Variants in TXNDC8 observed in about 807,000 individuals in gnomAD.
The protein encoded by TXNDC8 is thioredoxin domain containing 8.
In TXNDC8, 15 loss-of-function variants were observed where a neutral mutation model predicts 12.9. The ratio of observed to expected loss-of-function variants is 1.16; its 90% CI spans 0.78 to 1.79. TXNDC8 has a LOEUF of 1.79. Ranked by LOEUF, TXNDC8 falls within the 40% of genes most tolerant of loss-of-function variation. TXNDC8 has a pLI of 0.00. For synonymous variants in TXNDC8, 40 were observed against 35.4 expected (o/e 1.13, Z -0.46); for missense variants, 128 against 113.2 (o/e 1.13, Z -0.59).
chr9:110,309,843 C>A (rs1309939150), intron 3 of TXNDC8, among the ~76,000 whole-genome samples: 1 of 151,440 alleles, frequency 6.6e-6, no homozygotes, highest in East Asian at 1.9e-4. Flanking sequence ...GGCTCAGTTC[C>A]TTTTATTAAG....
In TXNDC8 at chr9:110,327,391, G is replaced by A. The variant is rs150095542; in HGVS notation, c.130-1151C>T. On this transcript the variant is annotated intron_variant, in intron 2 of 4. Transcript: ENST00000423740. Reference sequence around the variant, plus strand: ...TGGCTGGAGTGCAATGGTGCGATCTGGGCTCACTGCAACCTCTGCCTCCCA... The same window carrying A: ...TGGCTGGAGTGCAATGGTGCGATCTAGGCTCACTGCAACCTCTGCCTCCCA... Among the ~76,000 whole-genome samples the A allele has an allele frequency of 2.1e-3, 317 of 150,998 alleles. 2 individuals are homozygous for A. Among genetic ancestry groups the A allele is most frequent in the African/African-American group, 7.3e-3 (300 of 41,180 alleles).
chr9:110,336,485 G>A (rs1445743552), intron 1 of TXNDC8, among the ~76,000 whole-genome samples: 1 of 152,204 alleles, frequency 6.6e-6, no homozygotes, highest in Non-Finnish European at 1.5e-5. Context: ...GTTTGGGTGT[G>A]AGCTGGCCTA....
chr9:110,318,232 AG>A (rs1361186041), intron 3 of TXNDC8, among the ~76,000 whole-genome samples: 36 of 152,332 alleles, frequency 2.4e-4, no homozygotes, highest in African/African-American at 8.4e-4. Context: ...AGACCTCAGA[AG>A]TCTCTGCTGG....
Position 110,307,020 on chromosome 9 carries a change from C to T in TXNDC8, c.196-2488G>A, listed in dbSNP as rs549690835. Among the ~76,000 whole-genome samples the T allele has an allele frequency of 5.2e-4, 79 of 151,912 alleles. 1 individual carries two copies. Among genetic ancestry groups the T allele is most frequent in the Non-Finnish European group, 9.1e-4 (62 of 68,018 alleles). ...GCAGTGATGCGATCATAGTTCACTG[C>T]AGTCTTGAACCCCAGGGCTCAAGTG... On this transcript the variant is annotated intron_variant, in intron 3 of 4. Coordinates refer to ENST00000423740, the MANE Select transcript of TXNDC8 (RefSeq NM_001286946.2).
chr9:110,304,575 G>T (rs1181774783), intron 3 of TXNDC8, 43 bp from the exon 5 acceptor site: 3 of 1,565,946 alleles, frequency 1.9e-6, no homozygotes, highest in Non-Finnish European at 1.7e-6. Flanking sequence ...TGAGTTGCCT[G>T]GTTTGTAACC....
chr9:110,305,544 CT>C (rs142892470), intron 3 of TXNDC8, among the ~76,000 whole-genome samples: 26 of 138,678 alleles, frequency 1.9e-4, no homozygotes, highest in Non-Finnish European at 3.8e-4. Context: ...CATGTATTTT[CT>C]TTTTCTTTCT....
chr9:110,313,649 C>T (rs1039105534), intron 3 of TXNDC8, among the ~76,000 whole-genome samples: 3 of 151,866 alleles, frequency 2.0e-5, no homozygotes, highest in East Asian at 3.9e-4. Flanking sequence ...TGCAGTGAGC[C>T]GAGACCGTGC....
At chr9:110,320,902 C>A (rs16914942) in intron 3 of TXNDC8, among the ~76,000 whole-genome samples, 17,668 of 152,120 alleles carry the variant, frequency 0.12, 1,222 homozygotes, top group African/African-American at 0.2. Context: ...GAACAAGCTC[C>A]CCTTATTTAT....
At chr9:110,325,710 G>A (rs563621290) in intron 3 of TXNDC8, among the ~76,000 whole-genome samples, 95 of 152,086 alleles carry the variant, frequency 6.2e-4, no homozygotes, top group African/African-American at 1.9e-3. Context: ...TAATAGAGAC[G>A]GGGTTTCACT....
At chr9:110,326,657 G>T (rs1162522941) in intron 2 of TXNDC8, among the ~76,000 whole-genome samples, 1 of 146,792 alleles carries the variant, frequency 6.8e-6, no homozygotes, top group Non-Finnish European at 1.6e-5. Context: ...CTTGAGACGT[G>T]GAACGCATCC....
intron 1 of TXNDC8, 82 bp from the exon 2 acceptor site, chr9:110,334,402 T>G: frequency 7.5e-7 from 1 of 1,330,834 alleles, no homozygotes; most frequent in Non-Finnish European, 1.1e-6. Flanking sequence ...GACAGATTAG[T>G]TTTGGTTTTG....
chr9:110,321,783 T>G (rs1270052722), intron 3 of TXNDC8, among the ~76,000 whole-genome samples: 2 of 151,304 alleles, frequency 1.3e-5, no homozygotes, highest in Non-Finnish European at 2.9e-5. Flanking sequence ...CATCCAAACC[T>G]GCCTCCTCTG....
At chr9:110,312,354 G>T (rs761668404) in intron 3 of TXNDC8, among the ~76,000 whole-genome samples, 3 of 152,200 alleles carry the variant, frequency 2.0e-5, no homozygotes, top group Non-Finnish European at 4.4e-5. Context: ...TTTTACCAAA[G>T]CTTTGGAATG....
chr9:110,319,074 G>GC (rs1005467133), intron 3 of TXNDC8, among the ~76,000 whole-genome samples: 2 of 152,212 alleles, frequency 1.3e-5, no homozygotes, highest in Admixed American at 1.3e-4. Flanking sequence ...CTTAGTTCTT[G>GC]CCCCCCGACC....
chr9:110,318,082 TG>T, intron 3 of TXNDC8, among the ~76,000 whole-genome samples: 1 of 152,304 alleles, frequency 6.6e-6, no homozygotes, highest in East Asian at 1.9e-4. Flanking sequence ...ACAAGATAAG[TG>T]TATGTCACAA....
intron 3 of TXNDC8, among the ~76,000 whole-genome samples, chr9:110,318,170 T>C (rs891578458): frequency 6.6e-6 from 1 of 152,196 alleles, no homozygotes; most frequent in Non-Finnish European, 1.5e-5. Context: ...ACCACATAGC[T>C]ACCGGAAGTT....
intron 3 of TXNDC8, among the ~76,000 whole-genome samples, chr9:110,314,687 C>G (rs1232129834): frequency 6.6e-6 from 1 of 152,168 alleles, no homozygotes; most frequent in Non-Finnish European, 1.5e-5. Context: ...CCACCTCGGC[C>G]TCCCAAAGTG....
chr9:110,336,474 T>G (rs1839764448), intron 1 of TXNDC8, among the ~76,000 whole-genome samples: 1 of 152,232 alleles, frequency 6.6e-6, no homozygotes, highest in South Asian at 2.1e-4. Flanking sequence ...CAGTAGTTGT[T>G]GTTTGGGTGT....
At chr9:110,319,556 T>C (rs186871238) in intron 3 of TXNDC8, among the ~76,000 whole-genome samples, 1 of 152,342 alleles carries the variant, frequency 6.6e-6, no homozygotes, top group African/African-American at 2.4e-5. Flanking sequence ...ACATTGCCAC[T>C]AATAAGAGGC....
Sources: allele counts gnomAD v4.1 joint callset (sites outside exome capture counted in the v4.1 genomes callset), GRCh38; gene constraint gnomAD v4.1.1; transcripts MANE v1.5; gene names NCBI Gene and HGNC (gene_info 2026-07-23, HGNC 2026-07-21).